Variants in OXCT1 observed in about 807,000 individuals in gnomAD.
OXCT1 encodes succinyl-CoA:3-ketoacid coenzyme A transferase 1, mitochondrial.
A neutral mutation model predicts 69.6 loss-of-function variants in OXCT1; 27 were observed. The observed-to-expected ratio is 0.39, with a 90% CI of 0.29 to 0.54. OXCT1 has a LOEUF of 0.54. OXCT1 is among the 20% of genes least tolerant of loss of function. The pLI, the probability that OXCT1 is intolerant of heterozygous loss-of-function variation, is 0.72. For missense variants in OXCT1, 437 were observed against 650.2 expected (o/e 0.67, Z 3.57); for synonymous variants, 202 against 217.8 (o/e 0.93, Z 0.64).
At position 41,731,335 on chromosome 5, in the gene OXCT1, C is replaced by T; in HGVS notation, c.*394G>A. ...CAATCATGACAGCAACTCTCCTAAC[C>T]ACAAAAATCACATATGTTATCTTTC... On this transcript the variant is annotated 3_prime_UTR_variant, in exon 17 of 17. Transcript: ENST00000196371. 1 of 1,013,754 alleles carries T rather than the reference C, an allele frequency of 9.9e-7. No homozygotes were observed. Among genetic ancestry groups the T allele is most frequent in the Non-Finnish European group, 1.2e-6 (1 of 844,574 alleles). The allele number at this position is 1,013,754 out of a possible 1,614,324, so 62.8% of individuals were successfully genotyped here. A position where few individuals can be genotyped will look rare whatever the true frequency, so the allele number is the denominator to read the frequency against.
intron 13 of OXCT1, among the ~76,000 whole-genome samples, chr5:41,776,460 GTTTT>G (rs1745126206): frequency 6.6e-6 from 1 of 152,110 alleles, no homozygotes; most frequent in African/African-American, 2.4e-5. Flanking sequence ...CTGTTCCTGT[GTTTT>G]TTTGTTTTTC....
chr5:41,748,889 G>A (rs549472283), intron 15 of OXCT1, among the ~76,000 whole-genome samples: 6 of 152,138 alleles, frequency 3.9e-5, no homozygotes, highest in South Asian at 4.2e-4. Context: ...AAGTCATTCC[G>A]ACATACTAGG....
chr5:41,816,181 C>T (rs1747234693), intron 7 of OXCT1, among the ~76,000 whole-genome samples: 2 of 152,100 alleles, frequency 1.3e-5, no homozygotes, highest in African/African-American at 2.4e-5. Context: ...AAATGTTCTC[C>T]ACGTTTTCAT....
In OXCT1 at chr5:41,870,066, G is replaced by A. The variant is rs1411666341; in HGVS notation, c.78+215C>T. On this transcript the variant is annotated intron_variant, in intron 1 of 16. Transcript: ENST00000196371. This position sits in a 1 kb window ranked among gnomAD's most constrained non-coding sequence, Gnocchi z 4.2. ...TTCTTTATCGCGTCTCGCTCCATCA[G>A]GGAAGCGACTGCAGAACCAAGCAAA... is the stretch of plus-strand genomic sequence containing the variant. 1 of 596,332 alleles carries A rather than the reference G, an allele frequency of 1.7e-6. No individual in the cohort carries two copies. The highest frequency in any genetic ancestry group is 1.9e-5 in the African/African-American group (1 of 53,842). 36.9% of individuals were successfully genotyped at this position (596,332 alleles called of 1,614,324 possible).
intron 13 of OXCT1, among the ~76,000 whole-genome samples, chr5:41,789,021 G>A (rs1745788346): frequency 6.6e-6 from 1 of 152,066 alleles, no homozygotes. Flanking sequence ...TAAACAATGG[G>A]TCATACAAAA....
chr5:41,735,899 G>C (rs982620862), intron 16 of OXCT1, among the ~76,000 whole-genome samples: 1 of 152,232 alleles, frequency 6.6e-6, no homozygotes, highest in Admixed American at 6.5e-5. Flanking sequence ...TCAGCCATGT[G>C]GATGGAAGCT....
chr5:41,856,993 A>G (rs918650855), intron 3 of OXCT1, among the ~76,000 whole-genome samples: 1 of 151,960 alleles, frequency 6.6e-6, no homozygotes, highest in Non-Finnish European at 1.5e-5. Context: ...CAGCCTTCCC[A>G]TCTCACCTCA....
intron 3 of OXCT1, among the ~76,000 whole-genome samples, chr5:41,859,916 A>C (rs1483214099): frequency 8.4e-6 from 1 of 119,320 alleles, no homozygotes; most frequent in Non-Finnish European, 1.9e-5. Context: ...ATACACACAC[A>C]CACACACAAG....
chr5:41,733,581 T>G (rs944392808), intron 16 of OXCT1, among the ~76,000 whole-genome samples: 1 of 152,200 alleles, frequency 6.6e-6, no homozygotes, highest in Non-Finnish European at 1.5e-5. Context: ...CAAATCATTT[T>G]CTATAGATGC....
chr5:41,841,212 T>C (rs1748612004), intron 6 of OXCT1, among the ~76,000 whole-genome samples: 1 of 152,194 alleles, frequency 6.6e-6, no homozygotes, highest in African/African-American at 2.4e-5. Flanking sequence ...GGAATATACG[T>C]TGATGGCAGA....
Position 41,862,692 on chromosome 5 carries a change from G to T in OXCT1, c.137C>A (p.Pro46Gln), listed in dbSNP as rs1749792027. The T allele has an allele frequency of 2.5e-6, 4 of 1,612,938 alleles. No individual in the cohort carries two copies. Among genetic ancestry groups the T allele is most frequent in the Non-Finnish European group, 2.5e-6 (3 of 1,179,386 alleles). ...AHRHTKFYTDPVEAVKDIPDG... is the reference protein window; with the variant it reads ...AHRHTKFYTDQVEAVKDIPDG... ...AGGGATGTCTTTTACAGCTTCTACT[G>T]GATCTGTATAAAACTTGGTATGGCG... Residue 46 changes from proline (P) to glutamine (Q), a missense_variant, in exon 2 of 17, where the codon CCA becomes CAA. Pro to Gln is a moderately conservative substitution (Grantham distance 76, BLOSUM62 -1). This residue lies in a region of OXCT1 where 79 missense variants were observed against 61.5 expected (regional missense o/e 1.28). Coordinates refer to ENST00000196371, the MANE Select transcript of OXCT1 (RefSeq NM_000436.4).
chr5:41,806,723 G>A (rs1179049877), intron 8 of OXCT1, among the ~76,000 whole-genome samples: 4 of 152,154 alleles, frequency 2.6e-5, no homozygotes, highest in African/African-American at 4.8e-5. Flanking sequence ...CATGCTTCAC[G>A]TATAGCCCAC....
At chr5:41,866,391 A>G (rs1172570211) in intron 1 of OXCT1, among the ~76,000 whole-genome samples, 2 of 152,234 alleles carry the variant, frequency 1.3e-5, no homozygotes, top group Non-Finnish European at 2.9e-5. Context: ...GGTGATATTT[A>G]TTTTGTCACC....
At chr5:41,772,379 A>C (rs1255376880) in intron 13 of OXCT1, among the ~76,000 whole-genome samples, 2 of 152,086 alleles carry the variant, frequency 1.3e-5, no homozygotes, top group Non-Finnish European at 2.9e-5. Flanking sequence ...AAAAAGAGAG[A>C]GAGAGTGACT....
intron 13 of OXCT1, among the ~76,000 whole-genome samples, chr5:41,791,763 T>C (rs1028102757): frequency 6.6e-6 from 1 of 152,306 alleles, no homozygotes; most frequent in Admixed American, 6.5e-5. Context: ...GCTTTTCTCT[T>C]CTTTGCCAGG....
chr5:41,814,597 T>A (rs1000338934), intron 7 of OXCT1, among the ~76,000 whole-genome samples: 4 of 151,662 alleles, frequency 2.6e-5, no homozygotes, highest in Non-Finnish European at 5.9e-5. Flanking sequence ...AAATTGGAAA[T>A]CATCATTCTC....
At chr5:41,847,810 C>A in intron 5 of OXCT1, among the ~76,000 whole-genome samples, 1 of 150,876 alleles carries the variant, frequency 6.6e-6, no homozygotes. Flanking sequence ...ATGACAAACC[C>A]ACAGCCAATA....
At chr5:41,863,623 G>C (rs751150359) in intron 1 of OXCT1, among the ~76,000 whole-genome samples, 13 of 152,092 alleles carry the variant, frequency 8.5e-5, no homozygotes, top group Admixed American at 3.3e-4. Context: ...TATTACATAA[G>C]GGAAAGTTCT....
At chr5:41,850,251 G>A (rs1354443188) in intron 4 of OXCT1, 72 bp from the exon 5 acceptor site, 17 of 1,547,928 alleles carry the variant, frequency 1.1e-5, no homozygotes, top group East Asian at 2.3e-5. Context: ...ACATTTAGAC[G>A]TGGTTCCTAC....
Sources: gnomAD v4.1 joint callset for allele counts (sites outside exome capture counted in the v4.1 genomes callset) on GRCh38, gnomAD v4.1.1 for gene constraint, gnomAD v4.1.1 regional missense constraint, Gnocchi (gnomAD v3.1) non-coding constraint, MANE v1.5 for transcripts, NCBI Gene and HGNC (gene_info 2026-07-23, HGNC 2026-07-21) for gene names.